Variants in USP43 observed in about 807,000 individuals in gnomAD.
USP43 encodes the protein ubiquitin carboxyl-terminal hydrolase 43.
A neutral mutation model predicts 90.7 loss-of-function variants in USP43; 33 were observed. The ratio of observed to expected loss-of-function variants is 0.36; its 90% CI spans 0.28 to 0.49. The LOEUF is 0.49. USP43 is among the 20% of genes least tolerant of loss of function. The pLI, the probability that USP43 is intolerant of heterozygous loss-of-function variation, is 0.98. For synonymous variants in USP43, 598 were observed against 615.8 expected (o/e 0.97, Z 0.43); for missense variants, 1,274 against 1,476.4 (o/e 0.86, Z 2.25).
intron 12 of USP43, among the ~76,000 whole-genome samples, chr17:9,706,713 G>A (rs1223888250): frequency 3.6e-5 from 5 of 137,586 alleles, no homozygotes; most frequent in African/African-American, 8.2e-5. Flanking sequence ...GCACGATATC[G>A]GCTCACTGCA....
chr17:9,656,708 A>G (rs1912277463), intron 2 of USP43, among the ~76,000 whole-genome samples, 174 bp downstream of exon 2: 1 of 152,210 alleles, frequency 6.6e-6, no homozygotes, highest in Non-Finnish European at 1.5e-5. Context: ...TTTGTTTTAC[A>G]CAAGGCGTTT....
chr17:9,714,768 A>G (rs1041277645), intron 14 of USP43, among the ~76,000 whole-genome samples: 10 of 152,104 alleles, frequency 6.6e-5, no homozygotes, highest in Admixed American at 6.5e-4. Context: ...GGAGAGGCCA[A>G]GAAAAGAACG....
chr17:9,672,743 C>A (rs561212292), intron 3 of USP43, among the ~76,000 whole-genome samples: 1 of 152,264 alleles, frequency 6.6e-6, no homozygotes, highest in African/African-American at 2.4e-5. Context: ...AGGGAAATGA[C>A]CTGAGGCAGC....
In USP43 at chr17:9,701,338, G is replaced by T; in HGVS notation, c.1663-14G>T. The T allele has an allele frequency of 6.3e-7, 1 of 1,590,314 alleles. No individual in the cohort carries two copies. The highest frequency in any genetic ancestry group is 1.1e-5 in the South Asian group (1 of 87,354). On this transcript the variant is annotated splice_polypyrimidine_tract_variant and intron_variant, in intron 11 of 14. Transcript: ENST00000285199. This position sits in a 1 kb window ranked among gnomAD's most constrained non-coding sequence, Gnocchi z 7.2. ...GCTGCGGGGGCCTCACAGTCCGGGT[G>T]GTTTGCTTTCCAGCTGGCCCAGGAT...
At chr17:9,691,940 G>T (rs1255262054) in intron 8 of USP43, among the ~76,000 whole-genome samples, 1 of 151,956 alleles carries the variant, frequency 6.6e-6, no homozygotes, top group Non-Finnish European at 1.5e-5. Flanking sequence ...CTACTCAGGA[G>T]GCCGAGGCAG....
intron 3 of USP43, among the ~76,000 whole-genome samples, chr17:9,673,961 A>G (rs927929937): frequency 6.6e-6 from 1 of 152,174 alleles, no homozygotes; most frequent in Admixed American, 6.5e-5. Flanking sequence ...CTACTATGGG[A>G]GAACACTAGG....
At position 9,712,625 on chromosome 17, in the gene USP43, G is replaced by A. The variant is rs551296175; in HGVS notation, c.2335+493G>A. Among the ~76,000 whole-genome samples the A allele has an allele frequency of 8.5e-5, 13 of 152,322 alleles. No individual in the cohort carries two copies. The South Asian group carries it at 2.7e-3, about 32-fold the overall frequency. ...AAGGCTGGGAGTGAGCATTGGATGTGTGAGGGGCAGAAGAAACCAGAGCTG... is the reference window on the plus strand; with the variant it reads ...AAGGCTGGGAGTGAGCATTGGATGTATGAGGGGCAGAAGAAACCAGAGCTG... On this transcript the variant is annotated intron_variant, in intron 14 of 14. Transcript: ENST00000285199.
At chr17:9,719,233 C>T (rs966252577) in intron 14 of USP43, among the ~76,000 whole-genome samples, 14 of 152,172 alleles carry the variant, frequency 9.2e-5, no homozygotes, top group Admixed American at 3.3e-4. Context: ...CTCTGTTTAA[C>T]GGCAAAGTAC....
chr17:9,693,256 C>T (rs1279539885), intron 9 of USP43, 26 bp downstream of exon 9: 29 of 1,560,496 alleles, frequency 1.9e-5, no homozygotes, highest in Non-Finnish European at 2.5e-5. Flanking sequence ...CAGGTTCAGT[C>T]AGCTAATGAA....
At position 9,666,653 on chromosome 17, in the gene USP43, G is replaced by T. The variant is rs564903700; in HGVS notation, c.642G>T (p.Pro214=). The T allele has an allele frequency of 6.8e-6, 11 of 1,611,932 alleles. No individual in the cohort carries two copies. Among genetic ancestry groups the T allele is most frequent in the South Asian group, 1.1e-5 (1 of 90,562 alleles). The change falls in exon 3 of 15, where the codon CCG becomes CCT. Residue 214 remains proline (P), a synonymous_variant. Transcript: ENST00000285199. ...SSRGPVSEKL[P]PEATKTSENC... Reference sequence around the variant, plus strand: ...CTTTCCTCATTTCTTTGCAGCTTCCGCCTGAAGCCACTAAAACCTCTGAGA... The same window carrying T: ...CTTTCCTCATTTCTTTGCAGCTTCCTCCTGAAGCCACTAAAACCTCTGAGA...
At chr17:9,689,019 T>A (rs1318705555) in intron 8 of USP43, among the ~76,000 whole-genome samples, 2 of 152,058 alleles carry the variant, frequency 1.3e-5, no homozygotes, top group Non-Finnish European at 2.9e-5. Context: ...GATCAAGCAA[T>A]CAATGGGGCC....
intron 1 of USP43, among the ~76,000 whole-genome samples, chr17:9,653,601 A>C (rs1038679059): frequency 9.9e-5 from 15 of 152,116 alleles, no homozygotes; most frequent in South Asian, 4.1e-4. Context: ...AAAAGAAAAA[A>C]AAAAAAAGTA....
intron 2 of USP43, among the ~76,000 whole-genome samples, chr17:9,656,770 G>C (rs1022063822): frequency 6.6e-6 from 1 of 152,128 alleles, no homozygotes; most frequent in African/African-American, 2.4e-5. Context: ...ATAATGAATA[G>C]AGTTTCATTT....
intron 12 of USP43, among the ~76,000 whole-genome samples, chr17:9,706,546 G>A (rs1291464058): frequency 6.6e-6 from 1 of 151,146 alleles, no homozygotes; most frequent in Non-Finnish European, 1.5e-5. Context: ...TTTATCCTCC[G>A]GGAGTTGCCA....
rs538539572 is a variant in USP43, at chr17:9,686,593, G to C, written c.1242-205G>C. Among the ~76,000 whole-genome samples, 4 of 152,100 alleles carry C rather than the reference G, an allele frequency of 2.6e-5. No individual in the cohort carries two copies. Among genetic ancestry groups the C allele is most frequent in the Non-Finnish European group, 5.9e-5 (4 of 68,014 alleles). On this transcript the variant is annotated intron_variant, in intron 7 of 14. Coordinates refer to ENST00000285199, the MANE Select transcript of USP43 (RefSeq NM_153210.5). This position sits in a 1 kb window ranked among gnomAD's most constrained non-coding sequence, Gnocchi z 5.5. ...ATTTTTTCATATGCCTGTTGGCTAC[G>C]TGTGTCATTTTGAGAAATGTCTATT...
intron 2 of USP43, among the ~76,000 whole-genome samples, chr17:9,662,063 T>C (rs906318423): frequency 2.6e-5 from 4 of 152,122 alleles, no homozygotes; most frequent in African/African-American, 9.7e-5. Flanking sequence ...TTCTCTTCCC[T>C]GGACAGCACA....
intron 1 of USP43, among the ~76,000 whole-genome samples, chr17:9,654,340 A>G (rs1281419291): frequency 6.6e-6 from 1 of 152,212 alleles, no homozygotes; most frequent in Non-Finnish European, 1.5e-5. Flanking sequence ...GGGAATCAAC[A>G]TGCAGAGAAG....
chr17:9,682,984 A>G (rs748029086), intron 7 of USP43, 26 bp downstream of exon 7: 1 of 1,607,330 alleles, frequency 6.2e-7, no homozygotes, highest in South Asian at 1.1e-5. Flanking sequence ...TTCTTTTTTC[A>G]TGTGGTGTCT....
At chr17:9,700,327 C>T in intron 10 of USP43, 78 bp downstream of exon 10, 2 of 1,410,034 alleles carry the variant, frequency 1.4e-6, no homozygotes, top group South Asian at 1.3e-5. Flanking sequence ...ACGCAGCTTC[C>T]CCCAGCACGG....
Sources: allele counts gnomAD v4.1 joint callset (sites outside exome capture counted in the v4.1 genomes callset), GRCh38; gene constraint gnomAD v4.1.1; non-coding constraint Gnocchi (gnomAD v3.1); transcripts MANE v1.5; gene names NCBI Gene and HGNC (gene_info 2026-07-23, HGNC 2026-07-21).